The following SPMIP4 variants were observed in gnomAD, a reference collection of about 807,000 sequenced individuals.
SPMIP4 encodes the protein sperm microtubule inner protein 4.
chr7:25,150,366 T>C, the SPMIP4 span, among the ~76,000 whole-genome samples: 1 of 152,176 alleles, frequency 6.6e-6, no homozygotes, highest in African/African-American at 2.4e-5. Context: ...AGAGATCCAG[T>C]AAAACAGACG....
the SPMIP4 span, among the ~76,000 whole-genome samples, chr7:25,163,034 T>G: frequency 1.3e-5 from 2 of 152,226 alleles, no homozygotes; most frequent in Non-Finnish European, 2.9e-5. This position sits in a 1 kb window ranked among gnomAD's most constrained non-coding sequence, Gnocchi z 4.4. Flanking sequence ...GTGCTGGGAT[T>G]ACAGGCATGA....
At chr7:25,161,079 A>C in the SPMIP4 span, 3 of 604,580 alleles carry the variant, frequency 5.0e-6, no homozygotes, top group Non-Finnish European at 8.6e-6. Context: ...AAAAAGAAAT[A>C]ATTTGTTTCT....
chr7:25,159,370 C>T, the SPMIP4 span, among the ~76,000 whole-genome samples: 2 of 152,208 alleles, frequency 1.3e-5, no homozygotes, highest in African/African-American at 2.4e-5. Flanking sequence ...CATTCCAAGG[C>T]TGTGCATTTA....
chr7:25,130,604 GC>G, the SPMIP4 span, among the ~76,000 whole-genome samples: 3 of 152,096 alleles, frequency 2.0e-5, no homozygotes, highest in Non-Finnish European at 4.4e-5. Context: ...GTGAGCCACC[GC>G]GCCCAGCCAG....
the SPMIP4 span, among the ~76,000 whole-genome samples, chr7:25,144,011 T>C: frequency 6.6e-6 from 1 of 152,174 alleles, no homozygotes; most frequent in African/African-American, 2.4e-5. Context: ...TGTCATGTTA[T>C]ATGCAGAAAC....
At chr7:25,166,444 G>C in the SPMIP4 span, among the ~76,000 whole-genome samples, 1 of 152,224 alleles carries the variant, frequency 6.6e-6, no homozygotes, top group Non-Finnish European at 1.5e-5. Context: ...AAGATTAGCT[G>C]GGCGTGGTGG....
chr7:25,171,970 C>T, the SPMIP4 span, among the ~76,000 whole-genome samples: 1 of 152,072 alleles, frequency 6.6e-6, no homozygotes, highest in Admixed American at 6.5e-5. Context: ...AAACAGGAAT[C>T]CTTTCAGTAG....
chr7:25,151,703 G>A, the SPMIP4 span: 4 of 1,407,376 alleles, frequency 2.8e-6, no homozygotes, highest in Non-Finnish European at 4.0e-6. Context: ...TTCAGGAAAA[G>A]CAATAAATAA....
chr7:25,157,395 A>C, the SPMIP4 span, among the ~76,000 whole-genome samples: 1 of 152,220 alleles, frequency 6.6e-6, no homozygotes, highest in African/African-American at 2.4e-5. Context: ...TCTAGAGTGC[A>C]GTGTGGAAAG....
At chr7:25,131,625 A>C in the SPMIP4 span, among the ~76,000 whole-genome samples, 1 of 152,150 alleles carries the variant, frequency 6.6e-6, no homozygotes, top group Admixed American at 6.5e-5. The surrounding 1 kb of genome is among the most constrained non-coding windows in gnomAD (Gnocchi z 4.2). Flanking sequence ...CCACTTCCAA[A>C]ATGGCAGCAG....
the SPMIP4 span, among the ~76,000 whole-genome samples, chr7:25,156,619 G>A: frequency 3.3e-5 from 5 of 152,216 alleles, no homozygotes; most frequent in East Asian, 9.7e-4. Flanking sequence ...GAGGATACTG[G>A]GTGCTCAGAT....
chr7:25,135,510 C>T, the SPMIP4 span: 3 of 985,378 alleles, frequency 3.0e-6, no homozygotes, highest in South Asian at 4.7e-5. Flanking sequence ...TCTTTTCTAC[C>T]TAATGCTACT....
the SPMIP4 span, among the ~76,000 whole-genome samples, chr7:25,148,641 A>G: frequency 3.3e-5 from 5 of 151,736 alleles, no homozygotes; most frequent in South Asian, 2.1e-4. Flanking sequence ...TGCCCAACTA[A>G]TTTTTGTATT....
At chr7:25,178,761 C>T in the SPMIP4 span, among the ~76,000 whole-genome samples, 1 of 151,840 alleles carries the variant, frequency 6.6e-6, no homozygotes, top group African/African-American at 2.4e-5. Context: ...GAGCCCCGGC[C>T]CGGCGCAGTG....
chr7:25,143,533 G>T, the SPMIP4 span, among the ~76,000 whole-genome samples: 2 of 148,380 alleles, frequency 1.3e-5, no homozygotes, highest in Admixed American at 6.7e-5. Context: ...AAACACAAAT[G>T]ACAAAAAGAT....
the SPMIP4 span, among the ~76,000 whole-genome samples, chr7:25,151,906 T>C: frequency 3.9e-5 from 6 of 152,178 alleles, no homozygotes; most frequent in Non-Finnish European, 8.8e-5. Context: ...ACTTGAACCC[T>C]TGGGCTCAAA....
At chr7:25,152,742 GTCTC>G in the SPMIP4 span, among the ~76,000 whole-genome samples, 44 of 72,328 alleles carry the variant, frequency 6.1e-4, no homozygotes, top group African/African-American at 2.0e-3. Flanking sequence ...TCCCTTCGTT[GTCTC>G]TCTTTTTTTT....
the SPMIP4 span, among the ~76,000 whole-genome samples, chr7:25,172,673 C>T: frequency 0.078 from 11,878 of 152,178 alleles, 1,554 homozygotes; most frequent in African/African-American, 0.27. This position sits in a 1 kb window ranked among gnomAD's most constrained non-coding sequence, Gnocchi z 4.2. Flanking sequence ...CTTTCAAATG[C>T]TATCCCTATC....
chr7:25,166,679 G>C, the SPMIP4 span, among the ~76,000 whole-genome samples: 4 of 151,754 alleles, frequency 2.6e-5, no homozygotes, highest in South Asian at 8.3e-4. Context: ...CTGAGGTCGG[G>C]AGTTCGAGAC....
Sources: allele counts gnomAD v4.1 joint callset (sites outside exome capture counted in the v4.1 genomes callset), GRCh38; gene constraint gnomAD v4.1.1; non-coding constraint Gnocchi (gnomAD v3.1); transcripts MANE v1.5; gene names NCBI Gene and HGNC (gene_info 2026-07-23, HGNC 2026-07-21).